RTN1: variants seen among roughly 807,000 people sequenced by gnomAD.
The protein encoded by RTN1 is reticulon-1.
RTN1 carries 25 observed loss-of-function variants against 65.5 expected under a neutral mutation model. That is an observed-to-expected ratio of 0.38 (90% CI 0.28 to 0.53). RTN1 has a LOEUF of 0.53. RTN1 is among the 20% of genes least tolerant of loss of function. The probability of loss-of-function intolerance (pLI) is 0.79; values close to 1 mark genes in which losing one functional copy is unlikely to be tolerated. For synonymous variants in RTN1, 471 were observed against 447.6 expected, an observed-to-expected ratio of 1.05 and a Z score of -0.66; for missense variants, 983 against 1,025.4, an observed-to-expected ratio of 0.96 and a Z score of 0.57.
chr14:59,806,200 C>T (rs962018205), intron 1 of RTN1, among the ~76,000 whole-genome samples: 2 of 151,834 alleles, frequency 1.3e-5, no homozygotes, highest in Non-Finnish European at 2.9e-5. Context: ...TGTGCCACTG[C>T]ACTCCAGCCT....
chr14:59,741,808 G>A (rs1214822368), intron 2 of RTN1, among the ~76,000 whole-genome samples: 1 of 151,988 alleles, frequency 6.6e-6, no homozygotes, highest in Non-Finnish European at 1.5e-5. Context: ...CCCCACACCT[G>A]AGGTCCCTCC....
chr14:59,704,405 T>A (rs766401223), intron 3 of RTN1, among the ~76,000 whole-genome samples: 1 of 152,104 alleles, frequency 6.6e-6, no homozygotes, highest in Non-Finnish European at 1.5e-5. Flanking sequence ...TTTGTGAGGA[T>A]GGAGTGAAAG....
intron 4 of RTN1, 80 bp from the exon 5 acceptor site, chr14:59,605,586 C>A (rs1029772934): frequency 1.4e-6 from 2 of 1,458,248 alleles, no homozygotes; most frequent in Non-Finnish European, 1.9e-6. Flanking sequence ...AACAGCTAAG[C>A]GTTCCTACTC....
At chr14:59,755,727 G>A (rs184058976) in intron 1 of RTN1, among the ~76,000 whole-genome samples, 22 of 152,292 alleles carry the variant, frequency 1.4e-4, no homozygotes, top group Non-Finnish European at 2.9e-4. Flanking sequence ...TAAGTGGACT[G>A]TGATTTAACA....
chr14:59,637,921 G>A (rs972038157), intron 3 of RTN1, among the ~76,000 whole-genome samples: 7 of 151,488 alleles, frequency 4.6e-5, no homozygotes, highest in South Asian at 2.1e-4. Context: ...GCGCGATCTC[G>A]GCTCACTGCA....
At chr14:59,649,883 A>G (rs1438451704) in intron 3 of RTN1, among the ~76,000 whole-genome samples, 1 of 152,270 alleles carries the variant, frequency 6.6e-6, no homozygotes, top group East Asian at 1.9e-4. Flanking sequence ...CATTAGATCC[A>G]GCAATCCCAT....
intron 3 of RTN1, among the ~76,000 whole-genome samples, chr14:59,628,906 G>A (rs951410986): frequency 2.6e-5 from 4 of 152,112 alleles, no homozygotes; most frequent in African/African-American, 7.2e-5. Flanking sequence ...ATCTACTTTT[G>A]TTAAAAATAC....
rs372674307 is a variant in RTN1 at position 59,607,449 on chromosome 14, G to A, written c.1809C>T (p.Ile603=). 11 of 1,610,200 alleles carry A rather than the reference G, an allele frequency of 6.8e-6. No individual in the cohort carries two copies. In the East Asian group the frequency reaches 1.3e-4, roughly 20 times the overall value. The change falls in exon 4 of 9, where the codon ATC becomes ATT. Residue 603 remains isoleucine (I), a synonymous_variant. Transcript: ENST00000267484. ...GCAGCAGCAGGAAACTCCCAAACAC[G>A]ATGCCCGTCTGCTTGATGTCCCGCC... ...LYWRDIKQTG[I]VFGSFLLLLF... is the part of the protein sequence containing the mutation.
At chr14:59,688,712 T>C (rs1197341637) in intron 3 of RTN1, among the ~76,000 whole-genome samples, 1 of 151,958 alleles carries the variant, frequency 6.6e-6, no homozygotes, top group Non-Finnish European at 1.5e-5. Flanking sequence ...AGCCAAAATA[T>C]ACTACCCAGC....
chr14:59,800,709 T>A (rs1000293444), intron 1 of RTN1, among the ~76,000 whole-genome samples: 1 of 152,068 alleles, frequency 6.6e-6, no homozygotes, highest in Admixed American at 6.6e-5. Context: ...CAAAAATACA[T>A]CTTAAAATAA....
In RTN1 at chr14:59,727,626, T is replaced by C. The variant is rs767838919; in HGVS notation, c.1058A>G (p.Glu353Gly). 1.2e-6 allele frequency: 2 copies of C among 1,610,942 alleles called. No homozygotes were observed. Among genetic ancestry groups the C allele is most frequent in the South Asian group, 2.2e-5 (2 of 90,790 alleles). ...AESQGKGSIS[E>G]DELITAIKEA... ...TTTGATGGCGGTGATCAGCTCATCC[T>C]CGGAGATGCTGCCTTTCCCCTGGGA... Residue 353 changes from glutamate (E) to glycine (G), a missense_variant, in exon 3 of 9, where the codon GAG (glutamate) becomes GGG (glycine). By Grantham distance (98) the Glu-to-Gly change is moderately conservative. Transcript: ENST00000267484. This position sits in a 1 kb window ranked among gnomAD's most constrained non-coding sequence, Gnocchi z 4.2.
At chr14:59,818,575 T>C (rs892621715) in intron 1 of RTN1, among the ~76,000 whole-genome samples, 2 of 152,250 alleles carry the variant, frequency 1.3e-5, no homozygotes, top group African/African-American at 2.4e-5. Context: ...TTTTATTCAA[T>C]CTAGATTGAT....
chr14:59,640,205 T>C (rs1312714523), intron 3 of RTN1, among the ~76,000 whole-genome samples: 2 of 152,258 alleles, frequency 1.3e-5, no homozygotes, highest in East Asian at 1.9e-4. Context: ...TTTGTAATTA[T>C]AGATTTCTTT....
intron 3 of RTN1, among the ~76,000 whole-genome samples, chr14:59,616,199 G>T (rs1374698632): frequency 6.6e-6 from 1 of 152,060 alleles, no homozygotes; most frequent in Admixed American, 6.5e-5. Context: ...TATATGCTCT[G>T]AAATTATGCA....
At chr14:59,635,146 G>A (rs1333945659) in intron 3 of RTN1, among the ~76,000 whole-genome samples, 1 of 152,164 alleles carries the variant, frequency 6.6e-6, no homozygotes, top group East Asian at 1.9e-4. Context: ...CAGACAAGGA[G>A]AAAATCTTAA....
intron 1 of RTN1, 100 bp from the exon 2 acceptor site, chr14:59,746,581 T>A (rs1885232593): frequency 9.8e-7 from 1 of 1,021,474 alleles, no homozygotes; most frequent in Non-Finnish European, 1.4e-6. Context: ...AGACATGACA[T>A]CCTTTCTCCT....
intron 3 of RTN1, among the ~76,000 whole-genome samples, chr14:59,667,969 G>A (rs558487234): frequency 1.3e-5 from 2 of 152,308 alleles, no homozygotes; most frequent in Admixed American, 1.3e-4. Context: ...CGAACAAATG[G>A]AAGAATATTC....
chr14:59,788,599 T>C (rs900066197), intron 1 of RTN1, among the ~76,000 whole-genome samples: 6 of 152,348 alleles, frequency 3.9e-5, no homozygotes, highest in South Asian at 2.1e-4. Context: ...GTTAAATACA[T>C]TGGTCATGTA....
chr14:59,622,823 C>T (rs1050062897), intron 3 of RTN1, among the ~76,000 whole-genome samples: 3 of 152,118 alleles, frequency 2.0e-5, no homozygotes, highest in Non-Finnish European at 2.9e-5. Context: ...GAGCCCTGAG[C>T]CCAGAGGGAA....
Sources: gnomAD v4.1 joint callset for allele counts (sites outside exome capture counted in the v4.1 genomes callset) on GRCh38, gnomAD v4.1.1 for gene constraint, Gnocchi (gnomAD v3.1) non-coding constraint, MANE v1.5 for transcripts, NCBI Gene and HGNC (gene_info 2026-07-23, HGNC 2026-07-21) for gene names.